CDC42BPA: variants seen among roughly 807,000 people sequenced by gnomAD.
CDC42BPA encodes the protein serine/threonine-protein kinase MRCK alpha.
Under a neutral mutation model 223.5 loss-of-function variants are expected in CDC42BPA, and 80 were observed. The ratio of observed to expected loss-of-function variants is 0.36; its 90% CI spans 0.30 to 0.43. The LOEUF (loss-of-function observed/expected upper bound fraction) is 0.43. Ranked by LOEUF, CDC42BPA falls within the 20% of genes least tolerant of loss-of-function variation. The pLI, the probability that CDC42BPA is intolerant of heterozygous loss-of-function variation, is 1.00. For synonymous variants in CDC42BPA, 694 were observed against 718.6 expected (o/e 0.97, Z 0.55); for missense variants, 1,743 against 2,099.9 (o/e 0.83, Z 3.32).
intron 20 of CDC42BPA, 95 bp from the exon 21 acceptor site, chr1:227,069,948 C>T: frequency 1.4e-6 from 1 of 734,800 alleles, no homozygotes; most frequent in Non-Finnish European, 2.3e-6. Context: ...AAGCAGTTCA[C>T]AAACTACTGT....
chr1:226,996,089 C>T (rs573390449), intron 35 of CDC42BPA, among the ~76,000 whole-genome samples: 24 of 152,366 alleles, frequency 1.6e-4, no homozygotes, highest in Middle Eastern at 3.4e-3. Context: ...AATCCCCCTT[C>T]CACCTCCCTT....
chr1:227,263,913 T>C (rs547662687), intron 1 of CDC42BPA, among the ~76,000 whole-genome samples: 1 of 152,176 alleles, frequency 6.6e-6, no homozygotes, highest in Non-Finnish European at 1.5e-5. Context: ...TATCCAGCAG[T>C]GGCCTAAAGA....
chr1:227,276,629 TAGAA>T (rs1687111329), intron 1 of CDC42BPA, among the ~76,000 whole-genome samples: 1 of 152,124 alleles, frequency 6.6e-6, no homozygotes, highest in South Asian at 2.1e-4. Flanking sequence ...TTTTGTCTAA[TAGAA>T]AGGGGGGAAA....
intron 3 of CDC42BPA, among the ~76,000 whole-genome samples, chr1:227,207,612 G>A (rs1261798500): frequency 2.0e-5 from 3 of 148,230 alleles, no homozygotes; most frequent in Non-Finnish European, 3.0e-5. Context: ...AAGAATATGC[G>A]GTGTTTGGTT....
intron 5 of CDC42BPA, among the ~76,000 whole-genome samples, chr1:227,165,647 G>C (rs1664908942): frequency 6.6e-6 from 1 of 152,126 alleles, no homozygotes; most frequent in South Asian, 2.1e-4. Context: ...AGAGAATGCA[G>C]GGAGGAAAAG....
chr1:227,310,899 G>A (rs34113967), intron 1 of CDC42BPA, among the ~76,000 whole-genome samples: 16,085 of 151,302 alleles, frequency 0.11, 1,160 homozygotes, highest in South Asian at 0.18. Flanking sequence ...CACCATGTTA[G>A]CCAGGATGGT....
intron 1 of CDC42BPA, among the ~76,000 whole-genome samples, chr1:227,295,281 C>G (rs1403104801): frequency 6.6e-6 from 1 of 152,106 alleles, no homozygotes; most frequent in African/African-American, 2.4e-5. Context: ...CCACCTTAGC[C>G]TCCAGAGCAA....
chr1:227,231,571 A>G (rs1677968268), intron 2 of CDC42BPA, among the ~76,000 whole-genome samples: 1 of 152,014 alleles, frequency 6.6e-6, no homozygotes, highest in South Asian at 2.1e-4. Context: ...GTCTTCCACA[A>G]TGATTGAACT....
chr1:227,110,000 T>C lies in CDC42BPA; in HGVS notation c.2001+2312A>G, dbSNP rs185650500. On this transcript the variant is annotated intron_variant, in intron 14 of 36. Coordinates refer to ENST00000366766, the MANE Select transcript of CDC42BPA (RefSeq NM_001394014.1). The stretch of plus-strand genomic sequence containing the variant: ...ATCATCTGTACATGTTCGGTACAAA[T>C]GCACCCATCTAATTTTCTTCCTCCA... Among the ~76,000 whole-genome samples the C allele has an allele frequency of 1.8e-4, 28 of 152,280 alleles. No individual in the cohort carries two copies. In the East Asian group the frequency reaches 2.9e-3, roughly 16 times the overall value.
intron 3 of CDC42BPA, among the ~76,000 whole-genome samples, chr1:227,212,228 T>C (rs922924164): frequency 1.1e-4 from 17 of 152,186 alleles, no homozygotes; most frequent in African/African-American, 4.1e-4. Context: ...AATAATGAAG[T>C]ATTTACTTTC....
At chr1:227,189,435 G>T (rs1000934160) in intron 5 of CDC42BPA, among the ~76,000 whole-genome samples, 1 of 152,092 alleles carries the variant, frequency 6.6e-6, no homozygotes, top group East Asian at 1.9e-4. Context: ...AATGCAAAAA[G>T]ATGTTTCCCT....
intron 9 of CDC42BPA, 125 bp from the exon 10 acceptor site, chr1:227,139,867 T>C: frequency 2.1e-6 from 1 of 470,022 alleles, no homozygotes; most frequent in East Asian, 3.5e-5. Context: ...TTTAAATTGC[T>C]CATTTAAAAC....
At chr1:227,292,894 A>C (rs1558972280) in intron 1 of CDC42BPA, among the ~76,000 whole-genome samples, 1 of 152,164 alleles carries the variant, frequency 6.6e-6, no homozygotes, top group Non-Finnish European at 1.5e-5. Flanking sequence ...ACTATCATTC[A>C]AACAAAACCA....
intron 17 of CDC42BPA, among the ~76,000 whole-genome samples, chr1:227,080,150 A>C (rs1184712839): frequency 1.3e-5 from 2 of 152,244 alleles, no homozygotes; most frequent in South Asian, 4.1e-4. Flanking sequence ...AGGAATGCTC[A>C]ACCTGTATTT....
At chr1:227,100,777 T>TGTGTGTGTGTGTGTGTGTGTGCGC (rs777124731) in intron 15 of CDC42BPA, among the ~76,000 whole-genome samples, 54 of 128,602 alleles carry the variant, frequency 4.2e-4, no homozygotes, top group African/African-American at 1.5e-3. Flanking sequence ...TGTGTGTGTG[T>TGTGTGTGTGTGTGTGTGTGTGCGC]GCGTGTGCCA....
intron 2 of CDC42BPA, among the ~76,000 whole-genome samples, chr1:227,214,991 T>C (rs1005296545): frequency 1.3e-5 from 2 of 152,180 alleles, no homozygotes; most frequent in South Asian, 4.1e-4. Context: ...TGGCAGCATG[T>C]AGTGACATCA....
chr1:227,082,714 CAAA>C lies in CDC42BPA; in HGVS notation c.2356-1700_2356-1698del, dbSNP rs71574595. On this transcript the variant is annotated intron_variant, in intron 16 of 36. Transcript: ENST00000366766. The stretch of plus-strand genomic sequence containing the variant: ...TGGGTGACAGAATGAGACTCTGTCT[CAAA>C]AAAAAAAAAAAAAAAAAAAAAAAAG... 1.8e-3 allele frequency among the ~76,000 whole-genome samples: 106 copies of C among 59,526 alleles called. 1 individual carries two copies. The highest frequency in any genetic ancestry group is 3.3e-3 in the African/African-American group (47 of 14,244). The allele number at this position is 59,526 out of a possible 152,430, so 39.1% of individuals were successfully genotyped here.
chr1:227,043,525 A>G (rs1301553910), intron 23 of CDC42BPA, among the ~76,000 whole-genome samples: 1 of 152,098 alleles, frequency 6.6e-6, no homozygotes, highest in Admixed American at 6.5e-5. Flanking sequence ...AAAAAACATG[A>G]AATAAATTTT....
chr1:227,167,714 T>C (rs1665285914), intron 5 of CDC42BPA, among the ~76,000 whole-genome samples: 1 of 152,218 alleles, frequency 6.6e-6, no homozygotes, highest in Admixed American at 6.5e-5. Context: ...AAGACAATGT[T>C]ATAATTTTTG....
Sources: allele counts gnomAD v4.1 joint callset (sites outside exome capture counted in the v4.1 genomes callset), GRCh38; gene constraint gnomAD v4.1.1; transcripts MANE v1.5; gene names NCBI Gene and HGNC (gene_info 2026-07-23, HGNC 2026-07-21).